The following CEMIP variants were observed in gnomAD, a reference collection of about 807,000 sequenced individuals.
CEMIP encodes the protein cell migration inducing hyaluronidase 1.
In CEMIP, 105 loss-of-function variants were observed where a neutral mutation model predicts 156.9. The ratio of observed to expected loss-of-function variants is 0.67; its 90% CI spans 0.57 to 0.79. The LOEUF (loss-of-function observed/expected upper bound fraction) is 0.79. CEMIP is among the 30% of genes least tolerant of loss of function. The pLI is 0.00. For synonymous variants in CEMIP, 676 were observed against 668.4 expected, an observed-to-expected ratio of 1.01 and a Z score of -0.17; for missense variants, 1,457 against 1,769.4, an observed-to-expected ratio of 0.82 and a Z score of 3.17.
At position 80,885,119 on chromosome 15, in the gene CEMIP, T is replaced by G. The variant is rs1009877491; in HGVS notation, c.797+765T>G. On this transcript the variant is annotated intron_variant, in intron 7 of 29. Transcript: ENST00000394685. Reference sequence around the variant, plus strand: ...CCAGTGTGTGTTGTTCCCCTCCCTGTGTCCATGGTAAGCACACCTTTTTAT... The same window carrying G: ...CCAGTGTGTGTTGTTCCCCTCCCTGGGTCCATGGTAAGCACACCTTTTTAT... Among the ~76,000 whole-genome samples, 10 of 152,294 alleles carry G rather than the reference T, an allele frequency of 6.6e-5. No homozygotes were observed. In the East Asian group the frequency reaches 1.9e-3, roughly 29 times the overall value.
chr15:80,931,160 G>C (rs959517012), intron 21 of CEMIP, among the ~76,000 whole-genome samples: 3 of 152,220 alleles, frequency 2.0e-5, no homozygotes, highest in Non-Finnish European at 2.9e-5. Context: ...CTGGGTCTCA[G>C]GGCCTTCTTG....
At chr15:80,817,216 T>C (rs1896804654) in intron 1 of CEMIP, among the ~76,000 whole-genome samples, 3 of 152,144 alleles carry the variant, frequency 2.0e-5, no homozygotes, top group Admixed American at 1.3e-4. Flanking sequence ...ATGTAGTGTC[T>C]GTCATTTGAA....
rs754523735 is a variant in CEMIP at position 80,941,915 on chromosome 15, C to A, written c.3474C>A (p.Gly1158=). The change falls in exon 26 of 30, where the codon GGC becomes GGA. Residue 1158 remains glycine, a synonymous_variant. Coordinates refer to ENST00000394685, the MANE Select transcript of CEMIP (RefSeq NM_001293298.2). ...AGTTTGCTTTCTGCTCCATGAAAGG[C>A]TGTGAGAGGATAAAGATTAAAGCTC... ...REKFAFCSMK[G]CERIKIKALI... 35 of 1,613,982 alleles carry A rather than the reference C, an allele frequency of 2.2e-5. No individual in the cohort carries two copies. The highest frequency in any genetic ancestry group is 3.0e-5 in the Non-Finnish European group (35 of 1,179,982).
intron 7 of CEMIP, 97 bp downstream of exon 7, chr15:80,884,451 C>T (rs780416038): frequency 1.7e-5 from 21 of 1,268,424 alleles, no homozygotes; most frequent in Admixed American, 1.8e-5. Context: ...TCCCCACAGC[C>T]GTACCATCCT....
intron 1 of CEMIP, among the ~76,000 whole-genome samples, chr15:80,866,480 T>C (rs925535293): frequency 4.6e-5 from 7 of 151,912 alleles, no homozygotes; most frequent in African/African-American, 1.7e-4. Flanking sequence ...TAATCCCAGC[T>C]ACTGGGGAGG....
At chr15:80,861,568 GA>G (rs1241114839) in intron 1 of CEMIP, among the ~76,000 whole-genome samples, 8 of 152,184 alleles carry the variant, frequency 5.3e-5, no homozygotes, top group Admixed American at 2.0e-4. Context: ...GGAGAATGGG[GA>G]AAAAAGGGCC....
At chr15:80,813,350 ATT>A (rs34253400) in intron 1 of CEMIP, among the ~76,000 whole-genome samples, 7,827 of 129,308 alleles carry the variant, frequency 0.061, 305 homozygotes, top group African/African-American at 0.11. Context: ...AGCAGTACGG[ATT>A]TTTTTTTTTT....
At chr15:80,841,817 T>G (rs1456656983) in intron 1 of CEMIP, among the ~76,000 whole-genome samples, 2 of 152,308 alleles carry the variant, frequency 1.3e-5, no homozygotes, top group East Asian at 3.9e-4. Flanking sequence ...GCATGAGATT[T>G]GGGATCACAC....
At chr15:80,927,719 A>T (rs1420944107) in intron 19 of CEMIP, among the ~76,000 whole-genome samples, 1 of 152,116 alleles carries the variant, frequency 6.6e-6, no homozygotes, top group African/African-American at 2.4e-5. Flanking sequence ...GACAGAAGAC[A>T]GGGATCCCTT....
At chr15:80,816,293 T>C (rs1196136413) in intron 1 of CEMIP, among the ~76,000 whole-genome samples, 1 of 152,118 alleles carries the variant, frequency 6.6e-6, no homozygotes, top group African/African-American at 2.4e-5. Context: ...CTAGGCTAGC[T>C]ACCACTCACA....
At chr15:80,852,443 C>G (rs188716146) in intron 1 of CEMIP, among the ~76,000 whole-genome samples, 36 of 151,886 alleles carry the variant, frequency 2.4e-4, no homozygotes, top group Admixed American at 9.2e-4. Context: ...GTAGGAGCAA[C>G]AATATTATTC....
At chr15:80,939,950 G>A (rs1370847218) in intron 25 of CEMIP, among the ~76,000 whole-genome samples, 2 of 152,148 alleles carry the variant, frequency 1.3e-5, no homozygotes, top group Non-Finnish European at 2.9e-5. Flanking sequence ...GGATTTCAAA[G>A]TGTGAAATAT....
chr15:80,832,797 TG>T (rs1434778164), intron 1 of CEMIP, among the ~76,000 whole-genome samples: 1 of 152,244 alleles, frequency 6.6e-6, no homozygotes, highest in Non-Finnish European at 1.5e-5. Flanking sequence ...GACATTTATC[TG>T]TTTCTCAAAT....
At chr15:80,883,370 T>C (rs964228400) in intron 6 of CEMIP, among the ~76,000 whole-genome samples, 1 of 152,224 alleles carries the variant, frequency 6.6e-6, no homozygotes, top group African/African-American at 2.4e-5. Flanking sequence ...AGATTATTAG[T>C]TCTTGCTATT....
In CEMIP at chr15:80,906,807, T is replaced by A; in HGVS notation, c.1556T>A (p.Phe519Tyr). ...YPYRNHICNFFDFDTFGGHIK... is the reference protein window; with the variant it reads ...YPYRNHICNFYDFDTFGGHIK... The stretch of plus-strand genomic sequence containing the variant: ...TACAGAAACCACATCTGCAATTTCT[T>A]TGACTTCGATACCTTTGGGGGCCAC... The change falls in exon 13 of 30, where the codon TTT becomes TAT. Residue 519 changes from phenylalanine to tyrosine, a missense_variant. This residue lies in a region of CEMIP where 280 missense variants were observed against 300.3 expected (regional missense o/e 0.93). Transcript: ENST00000394685. This position sits in a 1 kb window ranked among gnomAD's most constrained non-coding sequence, Gnocchi z 4.3. The A allele has an allele frequency of 6.2e-7, 1 of 1,614,098 alleles. No individual in the cohort carries two copies. Among genetic ancestry groups the A allele is most frequent in the Non-Finnish European group, 8.5e-7 (1 of 1,179,998 alleles).
chr15:80,913,499 T>G (rs1211978266), intron 14 of CEMIP, among the ~76,000 whole-genome samples: 1 of 115,230 alleles, frequency 8.7e-6, no homozygotes, highest in Non-Finnish European at 1.8e-5. Flanking sequence ...CAGAGACCTG[T>G]GTTTTCATCT....
At chr15:80,939,800 C>T (rs1230713741) in intron 25 of CEMIP, among the ~76,000 whole-genome samples, 3 of 152,166 alleles carry the variant, frequency 2.0e-5, no homozygotes, top group African/African-American at 7.2e-5. Context: ...ATCTTTCTGC[C>T]TTATACGTTT....
chr15:80,841,488 G>A (rs1023154828), intron 1 of CEMIP, among the ~76,000 whole-genome samples: 1 of 152,230 alleles, frequency 6.6e-6, no homozygotes, highest in African/African-American at 2.4e-5. Flanking sequence ...CGTCCACTCT[G>A]TTGGTACAGA....
chr15:80,875,025 T>A (rs1342332991), intron 3 of CEMIP, among the ~76,000 whole-genome samples: 14 of 70,908 alleles, frequency 2.0e-4, no homozygotes, highest in African/African-American at 8.2e-4. Flanking sequence ...AGTAGCATTT[T>A]TTTTTTTTTT....
Sources: gnomAD v4.1 joint callset for allele counts (sites outside exome capture counted in the v4.1 genomes callset) on GRCh38, gnomAD v4.1.1 for gene constraint, gnomAD v4.1.1 regional missense constraint, Gnocchi (gnomAD v3.1) non-coding constraint, MANE v1.5 for transcripts, NCBI Gene and HGNC (gene_info 2026-07-23, HGNC 2026-07-21) for gene names.